The following MACF1 variants were observed in gnomAD, a reference collection of about 807,000 sequenced individuals.
MACF1 encodes the protein microtubule actin crosslinking factor 1.
MACF1 carries 193 observed loss-of-function variants against 854.8 expected under a neutral mutation model. That is an observed-to-expected ratio of 0.23 (90% CI 0.20 to 0.25). MACF1 has a LOEUF of 0.25. Among genes scored for constraint, MACF1 ranks in the 10% least tolerant of loss-of-function variants. MACF1 has a pLI of 1.00. For missense variants in MACF1, 7,722 were observed against 8,929.1 expected, an observed-to-expected ratio of 0.86 and a Z score of 5.45; for synonymous variants, 3,185 against 3,226.7, an observed-to-expected ratio of 0.99 and a Z score of 0.44.
Position 39,479,882 on chromosome 1 carries a change from G to T in MACF1, c.22043G>T (p.Arg7348Leu), listed in dbSNP as rs751325543. The T allele has an allele frequency of 1.2e-6, 2 of 1,614,210 alleles. No homozygotes were observed. The highest frequency in any genetic ancestry group is 1.7e-6 in the Non-Finnish European group (2 of 1,180,034). Residue 7348 changes from arginine to leucine, a missense_variant, in exon 98 of 101, where the codon CGG becomes CTG. Arg to Leu is a moderately radical substitution (Grantham distance 102). Coordinates refer to ENST00000564288, the MANE Select transcript of MACF1 (RefSeq NM_001394062.1). ...CAGGGAATGACCCCCTTCCGCTCAC[G>T]GGGTCGAAGGTCCAAACCATCTTCC... ...ASQGMTPFRS[R>L]GRRSKPSSRA...
At chr1:39,320,835 T>C (rs1646500901) in intron 31 of MACF1, among the ~76,000 whole-genome samples, 1 of 152,118 alleles carries the variant, frequency 6.6e-6, no homozygotes, top group Admixed American at 6.6e-5. Flanking sequence ...CTGGATGTAG[T>C]GGTGTGCACC....
In MACF1 at chr1:39,317,238, A is replaced by G; in HGVS notation, c.3613A>G (p.Lys1205Glu). ...LRHWLSDVKD[K>E]NSVFSVLDEE... is the part of the protein sequence containing the mutation. Reference sequence around the variant, plus strand: ...GCACTGGCTTAGTGATGTGAAGGACAAGAATTCAGTGTTTTCAGTCCTGGA... The same window carrying G: ...GCACTGGCTTAGTGATGTGAAGGACGAGAATTCAGTGTTTTCAGTCCTGGA... Residue 1205 changes from lysine (K) to glutamate (E), a missense_variant, in exon 29 of 101, where the codon AAG becomes GAG. Physicochemically the swap from Lys to Glu is moderately conservative, Grantham distance 56 (BLOSUM62 1). Around this residue, in one of 15 missense-constraint regions of MACF1, gnomAD observed 1,137 missense variants for 1,263.0 expected, o/e 0.90. Coordinates refer to ENST00000564288, the MANE Select transcript of MACF1 (RefSeq NM_001394062.1). The G allele has an allele frequency of 1.2e-6, 2 of 1,614,006 alleles. No individual in the cohort carries two copies. The highest frequency in any genetic ancestry group is 2.2e-5 in the South Asian group (2 of 91,038).
chr1:39,107,623 GA>G (rs1395878803), intron 2 of MACF1, among the ~76,000 whole-genome samples: 1 of 152,168 alleles, frequency 6.6e-6, no homozygotes, highest in African/African-American at 2.4e-5. Flanking sequence ...GCATTTTCCA[GA>G]CTTAGAAATC....
intron 2 of MACF1, among the ~76,000 whole-genome samples, chr1:39,248,484 T>C (rs989461882): frequency 2.0e-5 from 3 of 151,974 alleles, no homozygotes; most frequent in African/African-American, 7.2e-5. Flanking sequence ...GTATTACAGG[T>C]GTGAGCCATT....
intron 2 of MACF1, among the ~76,000 whole-genome samples, chr1:39,236,741 A>C (rs1644863791): frequency 2.6e-5 from 4 of 152,074 alleles, no homozygotes; most frequent in Admixed American, 2.6e-4. Context: ...AGCTCACTGC[A>C]ACCTCTGCCT....
At chr1:39,111,833 A>T (rs538521813) in intron 2 of MACF1, among the ~76,000 whole-genome samples, 59 of 152,148 alleles carry the variant, frequency 3.9e-4, no homozygotes, top group Non-Finnish European at 7.6e-4. Flanking sequence ...TTCTGATGAA[A>T]TATTTTTTTC....
rs1179366415 is a variant in MACF1 at position 39,332,397 on chromosome 1, C to G, written c.5809C>G (p.Gln1937Glu). Residue 1937 changes from glutamine (Q) to glutamate (E), a missense_variant, in exon 37 of 101, where the codon CAA becomes GAA. Around this residue, in one of 15 missense-constraint regions of MACF1, gnomAD observed 1,531 missense variants for 1,601.6 expected, o/e 0.96. Coordinates refer to ENST00000564288, the MANE Select transcript of MACF1 (RefSeq NM_001394062.1). The stretch of plus-strand genomic sequence containing the variant: ...CATGCAACTAGCAGACTCTGCAGAA[C>G]AAAATATTAATCCTGGAGCAGCAGT... ...PHMQLADSAE[Q>E]NINPGAAVLP... 1.2e-6 allele frequency: 2 copies of G among 1,614,046 alleles called. No individual in the cohort carries two copies.
chr1:39,479,751 A>G, intron 97 of MACF1, 47 bp from the exon 98 acceptor site: 2 of 1,562,894 alleles, frequency 1.3e-6, no homozygotes, highest in South Asian at 1.1e-5. Flanking sequence ...TCAAAAATAT[A>G]TTTTTTAGAA....
rs1646741460 is a variant in MACF1, at chr1:39,332,299, T to G, written c.5711T>G (p.Ile1904Arg). Residue 1904 changes from isoleucine to arginine, a missense_variant, in exon 37 of 101, where the codon ATA becomes AGA. By Grantham distance (97) the Ile-to-Arg change is moderately conservative. This residue lies in a region of MACF1 where 1,531 missense variants were observed against 1,601.6 expected (regional missense o/e 0.96). Coordinates refer to ENST00000564288, the MANE Select transcript of MACF1 (RefSeq NM_001394062.1). Reference sequence around the variant, plus strand: ...GAGATTTTGTCCTGGAAGAAAGCAATAGAAAGTGGTATCCTGGATAGAGAT... The same window carrying G: ...GAGATTTTGTCCTGGAAGAAAGCAAGAGAAAGTGGTATCCTGGATAGAGAT... ...TTEILSWKKA[I>R]ESGILDRDLA... 1 of 1,613,810 alleles carries G rather than the reference T, an allele frequency of 6.2e-7. No individual in the cohort carries two copies.
intron 58 of MACF1, among the ~76,000 whole-genome samples, chr1:39,391,897 C>G (rs1642049485): frequency 6.6e-6 from 1 of 152,218 alleles, no homozygotes; most frequent in African/African-American, 2.4e-5. Context: ...TGGGACTGGA[C>G]ACTGATCGGC....
Position 39,448,074 on chromosome 1 carries a change from T to C in MACF1, c.20010T>C (p.Asp6670=). The C allele has an allele frequency of 6.2e-7, 1 of 1,614,142 alleles. No homozygotes were observed. The highest frequency in any genetic ancestry group is 8.5e-7 in the Non-Finnish European group (1 of 1,179,992). The change falls in exon 83 of 101, where the codon GAT becomes GAC. Residue 6670 remains aspartate, a synonymous_variant. Transcript: ENST00000564288. ...AAAAACTGATTGACTGGCTAGAAGA[T>C]GCAGAGAGTCACCTGGACTCAGAAC... ...AWKKLIDWLE[D]AESHLDSELE...
At position 39,361,587 on chromosome 1, in the gene MACF1, G is replaced by A; in HGVS notation, c.12681G>A (p.Lys4227=). The A allele has an allele frequency of 6.2e-7, 1 of 1,614,214 alleles. No homozygotes were observed. The highest frequency in any genetic ancestry group is 8.5e-7 in the Non-Finnish European group (1 of 1,180,034). The change falls in exon 49 of 101, where the codon AAG becomes AAA. Residue 4227 remains lysine, a synonymous_variant. Coordinates refer to ENST00000564288, the MANE Select transcript of MACF1 (RefSeq NM_001394062.1). ...QAEMFEHLSG[K]LQQFMENKSR... ...AGATGTTTGAACACCTCTCTGGTAAGCTGCAGCAGTTCATGGAAAACAAAA... is the reference window on the plus strand; with the variant it reads ...AGATGTTTGAACACCTCTCTGGTAAACTGCAGCAGTTCATGGAAAACAAAA...
chr1:39,219,836 T>C (rs1307849020), intron 1 of MACF1, among the ~76,000 whole-genome samples: 1 of 152,154 alleles, frequency 6.6e-6, no homozygotes, highest in Non-Finnish European at 1.5e-5. Context: ...CTGCAACCTC[T>C]GCCGCCCGGG....
rs376106615 is a variant in MACF1 at position 39,370,195 on chromosome 1, A to G, written c.13095+9A>G. ...AGATTGAACACCTGAAGGTAGGTGAACAAAGGGACTCCAAGAATTGGGCTA... is the reference window on the plus strand; with the variant it reads ...AGATTGAACACCTGAAGGTAGGTGAGCAAAGGGACTCCAAGAATTGGGCTA... On this transcript the variant is annotated intron_variant, in intron 51 of 100. Transcript: ENST00000564288. 12 of 1,600,556 alleles carry G rather than the reference A, an allele frequency of 7.5e-6. No individual in the cohort carries two copies. The African/African-American group carries it at 1.6e-4, about 22-fold the overall frequency.
At chr1:39,273,955 G>A (rs1376686448) in intron 6 of MACF1, among the ~76,000 whole-genome samples, 4 of 152,160 alleles carry the variant, frequency 2.6e-5, no homozygotes, top group African/African-American at 9.7e-5. Flanking sequence ...TTTTTTAGGT[G>A]TAACAATAGT....
chr1:39,233,463 C>T (rs933295808), intron 2 of MACF1, among the ~76,000 whole-genome samples: 11 of 152,156 alleles, frequency 7.2e-5, no homozygotes, highest in East Asian at 1.9e-4. Flanking sequence ...CAAACAGTGA[C>T]GTAAACCCCT....
rs1469036867 is a variant in MACF1, at chr1:39,357,731, C to T, written c.11781C>T (p.Val3927=). Residue 3927 remains valine, a synonymous_variant, in exon 45 of 101, where the codon GTC becomes GTT. Transcript: ENST00000564288. The stretch of plus-strand genomic sequence containing the variant: ...GGCAAGGAAGCTTCTCAGAGGATGT[C>T]ATTTCCCACAAAGGAGACTTGAGAT... The part of the protein sequence containing the change: ...LKRQGSFSED[V]ISHKGDLRFV... 1 of 1,614,132 alleles carries T rather than the reference C, an allele frequency of 6.2e-7. No individual in the cohort carries two copies. Among genetic ancestry groups the T allele is most frequent in the South Asian group, 1.1e-5 (1 of 91,054 alleles).
chr1:39,113,689 A>G (rs372967170), intron 2 of MACF1, among the ~76,000 whole-genome samples: 12 of 152,294 alleles, frequency 7.9e-5, no homozygotes, highest in East Asian at 5.8e-4. Context: ...CTATAACACA[A>G]TTTTAGGTAG....
In MACF1 at chr1:39,372,495, G is replaced by T; in HGVS notation, c.13112G>T (p.Trp4371Leu). The change falls in exon 52 of 101, where the codon TGG (tryptophan) becomes TTG (leucine). Residue 4371 changes from tryptophan to leucine, a missense_variant. By Grantham distance (61) the Trp-to-Leu change is moderately conservative. Around this residue, in one of 15 missense-constraint regions of MACF1, gnomAD observed 2,807 missense variants for 3,235.8 expected, o/e 0.87. Transcript: ENST00000564288. The part of the protein sequence containing the change: ...IEHLKSLLDD[W>L]ASKGTLVEEI... ...TTTAAACAGAGTCTACTAGATGACT[G>T]GGCAAGTAAGGGAACTCTGGTGGAA... 6.2e-7 allele frequency: 1 copy of T among 1,611,574 alleles called. No individual in the cohort carries two copies. The highest frequency in any genetic ancestry group is 1.7e-5 in the Admixed American group (1 of 59,974).
Sources: gnomAD v4.1 joint callset for allele counts (sites outside exome capture counted in the v4.1 genomes callset) on GRCh38, gnomAD v4.1.1 for gene constraint, gnomAD v4.1.1 regional missense constraint, MANE v1.5 for transcripts, NCBI Gene and HGNC (gene_info 2026-07-23, HGNC 2026-07-21) for gene names.